The following FST variants were observed in gnomAD, a reference collection of about 807,000 sequenced individuals.
The protein encoded by FST is follistatin, also known as activin-binding protein.
A neutral mutation model predicts 38.4 loss-of-function variants in FST; 6 were observed. The ratio of observed to expected loss-of-function variants is 0.16; its 90% confidence interval spans 0.09 to 0.31. The LOEUF is 0.31. Among genes scored for constraint, FST ranks in the 10% least tolerant of loss-of-function variants. The pLI is 1.00. For missense variants in FST, 301 were observed against 432.3 expected, an observed-to-expected ratio of 0.70 and a Z score of 2.69; for synonymous variants, 157 against 169.8, an observed-to-expected ratio of 0.92 and a Z score of 0.59.
At position 53,484,256 on chromosome 5, in the gene FST, C is replaced by A; in HGVS notation, c.684C>A (p.Gly228=). The change falls in exon 4 of 6, where the codon GGC becomes GGA. Residue 228 remains glycine, a synonymous_variant. Transcript: ENST00000256759. ...CHLRKATCLL[G]RSIGLAYEGK... The stretch of plus-strand genomic sequence containing the variant: ...TGAGAAAGGCTACCTGCCTGCTGGG[C>A]AGATCTATTGGATTAGCCTATGAGG... 6.2e-7 allele frequency: 1 copy of A among 1,611,040 alleles called. No homozygotes were observed. Among genetic ancestry groups the A allele is most frequent in the South Asian group, 1.1e-5 (1 of 91,028 alleles).
chr5:53,485,039 A>T lies in FST; in HGVS notation c.764A>T (p.Lys255Ile). ...GATATCCAGTGCACTGGTGGGAAAA[A>T]ATGTTTATGGGATTTCAAGGTTGGG... ...CEDIQCTGGK[K>I]CLWDFKVGRG... The change falls in exon 5 of 6, where the codon AAA becomes ATA. Residue 255 changes from lysine to isoleucine, a missense_variant. Lys to Ile is a moderately radical substitution (Grantham distance 102). Coordinates refer to ENST00000256759, the MANE Select transcript of FST (RefSeq NM_013409.3). The T allele has an allele frequency of 6.2e-7, 1 of 1,611,828 alleles. No individual in the cohort carries two copies. The highest frequency in any genetic ancestry group is 8.5e-7 in the Non-Finnish European group (1 of 1,177,924).
Position 53,487,070 on chromosome 5 carries a change from AAAGTTAT to A in FST, c.*1040_*1046del, listed in dbSNP as rs1205403950. 2.0e-5 allele frequency: 3 copies of A among 152,352 alleles called. No individual in the cohort carries two copies. The highest frequency in any genetic ancestry group is 2.9e-5 in the Non-Finnish European group (2 of 68,032). The allele number at this position is 152,352 out of a possible 1,614,324, so 9.4% of individuals were successfully genotyped here. A position where few individuals can be genotyped will look rare whatever the true frequency, so the allele number is the denominator to read the frequency against. ...ACCATGTAAATGTGCAATGTATATA[AAAGTTAT>A]AATGTGTATTTGTAAATAAATGATG... On this transcript the variant is annotated 3_prime_UTR_variant, in exon 6 of 6. Transcript: ENST00000256759.
At position 53,486,008 on chromosome 5, in the gene FST, C is replaced by G. The variant is rs757300394; in HGVS notation, c.1010C>G (p.Pro337Arg). 6.5e-7 allele frequency: 1 copy of G among 1,539,318 alleles called. No homozygotes were observed. Residue 337 changes from proline to arginine, a missense_variant, in exon 6 of 6, where the codon CCT becomes CGT. Transcript: ENST00000256759. ...GATGAAGACCAGGACTACAGCTTTC[C>G]TATATCTTCTATTCTAGAGTGGTAA... ...EEDEDQDYSF[P>R]ISSILEW
intron 5 of FST, 80 bp from the exon 6 acceptor site, chr5:53,485,871 T>C (rs1747518760): frequency 1.9e-6 from 3 of 1,596,884 alleles, no homozygotes; most frequent in Non-Finnish European, 1.7e-6. Context: ...ATCAGAGGGC[T>C]TTGAAAACAT....
At chr5:53,482,646 C>T (rs1331693173) in intron 1 of FST, 2 of 483,610 alleles carry the variant, frequency 4.1e-6, no homozygotes, top group Non-Finnish European at 7.3e-6. Flanking sequence ...CCCTCCCTCT[C>T]GCCCACCTCC....
intron 1 of FST, among the ~76,000 whole-genome samples, chr5:53,481,406 A>G (rs1356169335): frequency 7.4e-6 from 1 of 135,416 alleles, no homozygotes; most frequent in African/African-American, 2.8e-5. Context: ...AAGATTTTCA[A>G]GGGAAGTAGC....
chr5:53,480,797 C>G lies in FST; in HGVS notation c.6C>G (p.Val2=), dbSNP rs1467163708. 1 of 1,501,186 alleles carries G rather than the reference C, an allele frequency of 6.7e-7. No individual in the cohort carries two copies. Among genetic ancestry groups the G allele is most frequent in the South Asian group, 1.3e-5 (1 of 79,912 alleles). The allele number at this position is 1,501,186 out of a possible 1,614,324, so 93.0% of individuals were successfully genotyped here. A position where few individuals can be genotyped will look rare whatever the true frequency, so the allele number is the denominator to read the frequency against. ...GCCCCGCGCCTGCCCCCAGGATGGT[C>G]CGCGCGAGGCACCAGCCGGGTGGGC... M[V]RARHQPGGLC... The change falls in exon 1 of 6, where the codon GTC becomes GTG. Residue 2 remains valine, a synonymous_variant. Transcript: ENST00000256759.
Position 53,486,671 on chromosome 5 carries a change from T to C in FST, c.*638T>C, listed in dbSNP as rs1342907467. Reference sequence around the variant, plus strand: ...TGACTCAAATACAAGGTACAGAAGATAAGCATCTTTGAGGAAACTCCTACT... The same window carrying C: ...TGACTCAAATACAAGGTACAGAAGACAAGCATCTTTGAGGAAACTCCTACT... On this transcript the variant is annotated 3_prime_UTR_variant, in exon 6 of 6. Coordinates refer to ENST00000256759, the MANE Select transcript of FST (RefSeq NM_013409.3). 2.6e-5 allele frequency: 4 copies of C among 152,222 alleles called. No individual in the cohort carries two copies. The highest frequency in any genetic ancestry group is 5.9e-5 in the Non-Finnish European group (4 of 68,046). 9.4% of individuals were successfully genotyped at this position (152,222 alleles called of 1,614,324 possible). A position where few individuals can be genotyped will look rare whatever the true frequency, so the allele number is the denominator to read the frequency against.
At position 53,484,255 on chromosome 5, in the gene FST, G is replaced by A. The variant is rs1418014711; in HGVS notation, c.683G>A (p.Gly228Asp). The change falls in exon 4 of 6, where the codon GGC (glycine) becomes GAC (aspartate). Residue 228 changes from glycine (G) to aspartate (D), a missense_variant. By Grantham distance (94) the Gly-to-Asp change is moderately conservative. Coordinates refer to ENST00000256759, the MANE Select transcript of FST (RefSeq NM_013409.3). ...CHLRKATCLL[G>D]RSIGLAYEGK... ...CTGAGAAAGGCTACCTGCCTGCTGG[G>A]CAGATCTATTGGATTAGCCTATGAG... 6.2e-7 allele frequency: 1 copy of A among 1,611,600 alleles called. No individual in the cohort carries two copies. The highest frequency in any genetic ancestry group is 8.5e-7 in the Non-Finnish European group (1 of 1,177,792).
At chr5:53,481,194 G>C (rs1010985617) in intron 1 of FST, among the ~76,000 whole-genome samples, 5 of 151,646 alleles carry the variant, frequency 3.3e-5, no homozygotes, top group African/African-American at 1.2e-4. Flanking sequence ...AAGGGAACAA[G>C]TATCAGTAGT....
At position 53,483,174 on chromosome 5, in the gene FST, C is replaced by G. The variant is rs1747346622; in HGVS notation, c.277+103C>G. On this transcript the variant is annotated intron_variant, in intron 2 of 5. Coordinates refer to ENST00000256759, the MANE Select transcript of FST (RefSeq NM_013409.3). The surrounding 1 kb of genome is among the most constrained non-coding windows in gnomAD (Gnocchi z 4.1). The stretch of plus-strand genomic sequence containing the variant: ...GTTTGGGAGTAGGAGAGCTTTGTTC[C>G]TGGGCTTCCCCTTCCTGTCCCTTGC... 6 of 779,490 alleles carry G rather than the reference C, an allele frequency of 7.7e-6. No individual in the cohort carries two copies. Among genetic ancestry groups the G allele is most frequent in the Admixed American group, 2.3e-5 (1 of 44,002 alleles). 48.3% of individuals were successfully genotyped at this position (779,490 alleles called of 1,614,324 possible).
chr5:53,481,259 C>T (rs10076205), intron 1 of FST, among the ~76,000 whole-genome samples: 1 of 149,934 alleles, frequency 6.7e-6, no homozygotes, highest in Non-Finnish European at 1.5e-5. Context: ...CCTCCCACAT[C>T]TTTTGGATAC....
intron 5 of FST, among the ~76,000 whole-genome samples, chr5:53,485,525 TCTAAA>T (rs1158340589): frequency 6.7e-6 from 1 of 149,278 alleles, no homozygotes; most frequent in Non-Finnish European, 1.5e-5. Context: ...AACATTTGAG[TCTAAA>T]CTAACTGCTT....
At chr5:53,485,551 T>G (rs1026031869) in intron 5 of FST, 17 of 723,960 alleles carry the variant, frequency 2.3e-5, no homozygotes, top group African/African-American at 3.6e-5. Flanking sequence ...CAAAAGTTTT[T>G]TTTTTTTTTT....
chr5:53,483,841 A>G lies in FST; in HGVS notation c.496+119A>G. 1.3e-6 allele frequency: 1 copy of G among 747,896 alleles called. No individual in the cohort carries two copies. The highest frequency in any genetic ancestry group is 2.7e-5 in the East Asian group (1 of 37,632). 46.3% of individuals were successfully genotyped at this position (747,896 alleles called of 1,614,324 possible). On this transcript the variant is annotated intron_variant, in intron 3 of 5. Transcript: ENST00000256759. This position sits in a 1 kb window ranked among gnomAD's most constrained non-coding sequence, Gnocchi z 4.1. ...TAGTCCGCAGTAAGAGCCTGATAAT[A>G]GTAATACTGAAACCAAATAAAGGAG...
intron 1 of FST, 72 bp from the exon 2 acceptor site, chr5:53,482,808 C>A: frequency 1.1e-6 from 1 of 897,894 alleles, no homozygotes; most frequent in Non-Finnish European, 1.7e-6. Context: ...CCTTCGCTAG[C>A]CACCTCGCTC....
chr5:53,485,750 G>C (rs2112347902), intron 5 of FST: 1 of 1,595,844 alleles, frequency 6.3e-7, no homozygotes, highest in East Asian at 2.2e-5. Context: ...TGACTTCATA[G>C]ATTATGCTTT....
At position 53,480,885 on chromosome 5, in the gene FST, GTGGGGATGCGC is replaced by G; in HGVS notation, c.85+16_85+26del. The G allele has an allele frequency of 6.7e-7, 1 of 1,485,584 alleles. No homozygotes were observed. Among genetic ancestry groups the G allele is most frequent in the Non-Finnish European group, 9.1e-7 (1 of 1,096,336 alleles). The allele number at this position is 1,485,584 out of a possible 1,614,324, so 92.0% of individuals were successfully genotyped here. A position where few individuals can be genotyped will look rare whatever the true frequency, so the allele number is the denominator to read the frequency against. On this transcript the variant is annotated intron_variant, in intron 1 of 5. Transcript: ENST00000256759. ...GGACCGCAGTGCCCAGGGTAAGCGA[GTGGGGATGCGC>G]TGGGGAGGCTTGGCTGAGGACAGGG...
At chr5:53,482,016 G>A (rs1015023852) in intron 1 of FST, among the ~76,000 whole-genome samples, 1 of 152,254 alleles carries the variant, frequency 6.6e-6, no homozygotes, top group Admixed American at 6.5e-5. Context: ...GCTCTGCCTG[G>A]TGCCCGGACG....
Sources: gnomAD v4.1 joint callset for allele counts (sites outside exome capture counted in the v4.1 genomes callset) on GRCh38, gnomAD v4.1.1 for gene constraint, Gnocchi (gnomAD v3.1) non-coding constraint, MANE v1.5 for transcripts, NCBI Gene and HGNC (gene_info 2026-07-23, HGNC 2026-07-21) for gene names.